Variants in DIAPH2 observed in about 807,000 individuals in gnomAD.
The protein encoded by DIAPH2 is protein diaphanous homolog 2.
Under a neutral mutation model 92.7 loss-of-function variants are expected in DIAPH2, and 35 were observed. The observed-to-expected ratio is 0.38, with a 90% CI of 0.29 to 0.50. The LOEUF (loss-of-function observed/expected upper bound fraction) is 0.50. Among genes scored for constraint, DIAPH2 ranks in the 20% least tolerant of loss-of-function variants. The pLI is 0.94. For synonymous variants in DIAPH2, 301 were observed against 280.4 expected (o/e 1.07, Z -0.73); for missense variants, 701 against 819.5 (o/e 0.86, Z 1.77).
At chrX:96,949,687 C>CAAAAAAAAA (rs1167294262) in intron 15 of DIAPH2, among the ~76,000 whole-genome samples, 438 of 39,236 alleles carry the variant, frequency 0.011, no homozygotes, top group Middle Eastern at 0.021. Flanking sequence ...ACTAAAAATA[C>CAAAAAAAAA]AAAAAAAAAA....
intron 21 of DIAPH2, among the ~76,000 whole-genome samples, chrX:97,121,838 A>G (rs995021218): frequency 8.9e-5 from 10 of 112,228 alleles, no homozygotes; most frequent in African/African-American, 1.9e-4. Flanking sequence ...GCAACGATCA[A>G]TAAATCCTGG....
intron 19 of DIAPH2, among the ~76,000 whole-genome samples, chrX:97,096,961 G>T (rs191340688): frequency 2.7e-5 from 3 of 111,109 alleles, no homozygotes; most frequent in East Asian, 5.7e-4. Context: ...CAGACTTCAG[G>T]CTGATTCCGA....
chrX:96,894,259 T>C, intron 5 of DIAPH2, among the ~76,000 whole-genome samples: 1 of 110,191 alleles, frequency 9.1e-6, no homozygotes. Flanking sequence ...CTACAGTTTT[T>C]TTTTTTTTCT....
At chrX:97,029,759 G>T (rs942916513) in intron 17 of DIAPH2, among the ~76,000 whole-genome samples, 2 of 111,271 alleles carry the variant, frequency 1.8e-5, no homozygotes, top group African/African-American at 6.5e-5. Context: ...TTGACTGTAA[G>T]AGATTATTTC....
At chrX:96,782,090 ATATTT>A (rs779346508) in intron 4 of DIAPH2, among the ~76,000 whole-genome samples, 4 of 111,088 alleles carry the variant, frequency 3.6e-5, no homozygotes, top group African/African-American at 3.3e-5. Context: ...TTTATTCTAA[ATATTT>A]TATTTTATTT....
intron 3 of DIAPH2, among the ~76,000 whole-genome samples, chrX:96,742,148 G>A (rs1163087097): frequency 7.2e-5 from 8 of 111,452 alleles, no homozygotes; most frequent in South Asian, 3.8e-4. Context: ...ATCTCCATCC[G>A]TCCACCTAGG....
intron 26 of DIAPH2, among the ~76,000 whole-genome samples, chrX:97,494,458 C>T (rs1165406735): frequency 1.8e-5 from 2 of 111,915 alleles, no homozygotes; most frequent in African/African-American, 6.5e-5. Flanking sequence ...ATTTTGAAAT[C>T]TTTGTTAGCC....
chrX:97,269,686 C>T (rs926635696), intron 23 of DIAPH2, among the ~76,000 whole-genome samples: 2 of 109,850 alleles, frequency 1.8e-5, no homozygotes, highest in Admixed American at 9.7e-5. Flanking sequence ...AAAGTATATA[C>T]CAAAAATAAA....
chrX:97,077,726 A>T (rs186082095), intron 19 of DIAPH2, among the ~76,000 whole-genome samples: 1 of 112,334 alleles, frequency 8.9e-6, no homozygotes, highest in African/African-American at 3.2e-5. Context: ...AATCAGCAAG[A>T]TCCAGCTCTA....
chrX:97,023,322 A>T (rs886457395), intron 17 of DIAPH2, among the ~76,000 whole-genome samples: 1 of 111,032 alleles, frequency 9.0e-6, no homozygotes, highest in African/African-American at 3.3e-5. Flanking sequence ...ATCATTCTGT[A>T]CACCTATGAA....
At chrX:97,509,168 T>G (rs2070861856) in intron 26 of DIAPH2, among the ~76,000 whole-genome samples, 1 of 109,604 alleles carries the variant, frequency 9.1e-6, no homozygotes, top group Non-Finnish European at 1.9e-5. Flanking sequence ...TGCCTCAGCC[T>G]CCTGAGTAGC....
chrX:97,519,735 A>T (rs1363666432), intron 26 of DIAPH2, among the ~76,000 whole-genome samples: 3 of 109,678 alleles, frequency 2.7e-5, no homozygotes, highest in Non-Finnish European at 5.7e-5. Context: ...TTTATTTTTT[A>T]TTTTTATTTT....
At chrX:97,433,568 C>T (rs759079131) in intron 26 of DIAPH2, among the ~76,000 whole-genome samples, 125 of 111,385 alleles carry the variant, frequency 1.1e-3, no homozygotes, top group Non-Finnish European at 2.1e-3. Flanking sequence ...CCCAGATAGT[C>T]GAAATGTACA....
intron 26 of DIAPH2, among the ~76,000 whole-genome samples, chrX:97,497,896 A>G (rs1407077743): frequency 9.0e-6 from 1 of 111,276 alleles, no homozygotes; most frequent in Non-Finnish European, 1.9e-5. Flanking sequence ...ATATCATATA[A>G]CAGTCTTTTT....
At chrX:97,503,901 C>T (rs2070815202) in intron 26 of DIAPH2, among the ~76,000 whole-genome samples, 1 of 111,612 alleles carries the variant, frequency 9.0e-6, no homozygotes, top group Admixed American at 9.5e-5. Context: ...ATGCATTCAA[C>T]CTGCTTCAGA....
intron 26 of DIAPH2, among the ~76,000 whole-genome samples, chrX:97,482,787 G>C (rs190195715): frequency 7.9e-4 from 89 of 112,107 alleles, no homozygotes; most frequent in African/African-American, 2.8e-3. Context: ...TGATGGTCCA[G>C]CTTGAGTGGA....
intron 21 of DIAPH2, among the ~76,000 whole-genome samples, chrX:97,135,220 A>G (rs2067162334): frequency 1.0e-5 from 1 of 99,160 alleles, no homozygotes. Context: ...TTGTTTTGAG[A>G]CAGAGTCTTG....
At position 97,357,172 on chromosome X, in the gene DIAPH2, G is replaced by A. The variant is rs753137253; in HGVS notation, c.3009+8892G>A. ...GGGAAAGTGTAAGATAAGCAATATG[G>A]TATACAAGCTGACCTTTTCCAGAAG... On this transcript the variant is annotated intron_variant, in intron 24 of 26. Transcript: ENST00000324765. Among the ~76,000 whole-genome samples, 3 of 111,479 alleles carry A rather than the reference G, an allele frequency of 2.7e-5. No individual in the cohort carries two copies. In the Admixed American group the frequency reaches 2.9e-4, roughly 11 times the overall value.
intron 5 of DIAPH2, among the ~76,000 whole-genome samples, chrX:96,888,267 G>A (rs891561532): frequency 3.7e-5 from 4 of 108,262 alleles, no homozygotes; most frequent in Non-Finnish European, 7.6e-5. Flanking sequence ...CGCCATGTTG[G>A]CCAGGCTGGT....
Sources: gnomAD v4.1 joint callset for allele counts (sites outside exome capture counted in the v4.1 genomes callset) on GRCh38, gnomAD v4.1.1 for gene constraint, MANE v1.5 for transcripts, NCBI Gene and HGNC (gene_info 2026-07-23, HGNC 2026-07-21) for gene names.